Variants in SPTBN4 observed in about 807,000 individuals in gnomAD.
The protein encoded by SPTBN4 is spectrin beta chain, non-erythrocytic 4.
In SPTBN4, 96 loss-of-function variants were observed where a neutral mutation model predicts 277.8. The observed-to-expected ratio is 0.35, with a 90% CI of 0.29 to 0.41. The LOEUF (loss-of-function observed/expected upper bound fraction) is 0.41. SPTBN4 is among the 10% of genes least tolerant of loss of function. The pLI is 1.00. For synonymous variants in SPTBN4, 1,481 were observed against 1,580.3 expected (o/e 0.94, Z 1.49); for missense variants, 3,006 against 3,595.7 (o/e 0.84, Z 4.19).
chr19:40,571,979 G>A (rs750621422), intron 33 of SPTBN4, 40 bp from the exon 34 acceptor site: 2 of 1,510,814 alleles, frequency 1.3e-6, no homozygotes, highest in East Asian at 4.6e-5. Flanking sequence ...ATTAGGCAGA[G>A]TGCTGCGGCT....
At chr19:40,504,215 G>A in intron 12 of SPTBN4, 83 bp downstream of exon 12, 1 of 1,418,172 alleles carries the variant, frequency 7.1e-7, no homozygotes, top group South Asian at 1.3e-5. Context: ...TCAGACAGCT[G>A]GAGATGGAGA....
chr19:40,513,333 G>A lies in SPTBN4; in HGVS notation c.2544G>A (p.Leu848=), dbSNP rs748715100. The part of the protein sequence containing the change: ...TLGGASGAGP[L]VVALQVRVVE... ...GGGGTGCCAGTGGCGCAGGGCCACT[G>A]GTGGTGGCGCTGCAGGTGCGCGTGG... Residue 848 remains leucine (L), a synonymous_variant, in exon 14 of 36, where the codon CTG becomes CTA. Coordinates refer to ENST00000598249, the MANE Select transcript of SPTBN4 (RefSeq NM_020971.3). 1.9e-6 allele frequency: 3 copies of A among 1,584,174 alleles called. No homozygotes were observed. The highest frequency in any genetic ancestry group is 2.6e-6 in the Non-Finnish European group (3 of 1,167,892).
rs2081195797 is a variant in SPTBN4, at chr19:40,575,689, A to G, written c.*120A>G. ...AGTTCCAACACTGAGGACGCGTGAC[A>G]TGGTGGGCACCGGAAAGGAGGGGAC... is the stretch of plus-strand genomic sequence containing the variant. On this transcript the variant is annotated 3_prime_UTR_variant, in exon 36 of 36. Transcript: ENST00000598249. The G allele has an allele frequency of 7.8e-7, 1 of 1,277,942 alleles. No individual in the cohort carries two copies. The highest frequency in any genetic ancestry group is 1.0e-6 in the Non-Finnish European group (1 of 956,444). The allele number at this position is 1,277,942 out of a possible 1,614,324, so 79.2% of individuals were successfully genotyped here.
At chr19:40,492,904 G>A in intron 4 of SPTBN4, 59 bp from the exon 5 acceptor site, 1 of 1,461,034 alleles carries the variant, frequency 6.8e-7, no homozygotes, top group Non-Finnish European at 9.6e-7. Flanking sequence ...TGGTGAGTGG[G>A]GGGCATTCGA....
chr19:40,557,458 G>A, intron 26 of SPTBN4, 55 bp downstream of exon 26: 1 of 1,490,762 alleles, frequency 6.7e-7, no homozygotes, highest in Non-Finnish European at 8.9e-7. Flanking sequence ...GCTGTGGGCA[G>A]CAGAGTGGGC....
chr19:40,547,108 C>A (rs2080867529), intron 20 of SPTBN4, among the ~76,000 whole-genome samples: 2 of 151,992 alleles, frequency 1.3e-5, no homozygotes, highest in African/African-American at 4.8e-5. Flanking sequence ...AATTCATGTG[C>A]CATGTTGGTG....
chr19:40,573,379 T>G (rs1265739312), intron 35 of SPTBN4, among the ~76,000 whole-genome samples: 1 of 152,018 alleles, frequency 6.6e-6, no homozygotes, highest in African/African-American at 2.4e-5. Flanking sequence ...AGGTGCAGTA[T>G]TGCAAAGGGT....
At chr19:40,494,751 C>A (rs1183236815) in intron 5 of SPTBN4, 146 bp from the exon 6 acceptor site, 1 of 688,054 alleles carries the variant, frequency 1.5e-6, no homozygotes, top group Admixed American at 2.4e-5. Context: ...ACCTACCCAA[C>A]ACCCACCCAT....
rs1051943471 is a variant in SPTBN4 at position 40,519,820 on chromosome 19, A to G, written c.3323A>G (p.Gln1108Arg). ...TTCCTGGACTGGCTCGTGCGCGCCC[A>G]GGAGGCGGCGGGCGGCAGCGAGGGG... is the stretch of plus-strand genomic sequence containing the variant. ...DAFLDWLVRA[Q>R]EAAGGSEGPL... The change falls in exon 16 of 36, where the codon CAG becomes CGG. Residue 1108 changes from glutamine (Q) to arginine (R), a missense_variant. By Grantham distance (43) the Gln-to-Arg change is conservative. This residue lies in a region of SPTBN4 where 1,759 missense variants were observed against 2,061.5 expected (regional missense o/e 0.85). Coordinates refer to ENST00000598249, the MANE Select transcript of SPTBN4 (RefSeq NM_020971.3). The surrounding 1 kb of genome is among the most constrained non-coding windows in gnomAD (Gnocchi z 5.7). 2 of 1,432,850 alleles carry G rather than the reference A, an allele frequency of 1.4e-6. No homozygotes were observed. Among genetic ancestry groups the G allele is most frequent in the Admixed American group, 3.0e-5 (1 of 33,100 alleles). The allele number at this position is 1,432,850 out of a possible 1,614,324, so 88.8% of individuals were successfully genotyped here.
chr19:40,527,786 C>G (rs1303474520), intron 17 of SPTBN4, among the ~76,000 whole-genome samples: 1 of 152,164 alleles, frequency 6.6e-6, no homozygotes, highest in Non-Finnish European at 1.5e-5. Flanking sequence ...TGGCCGAGTG[C>G]AGGAGCTCAC....
At chr19:40,471,830 A>G (rs1483080022) in intron 1 of SPTBN4, among the ~76,000 whole-genome samples, 1 of 149,498 alleles carries the variant, frequency 6.7e-6, no homozygotes, top group East Asian at 2.0e-4. Flanking sequence ...CCTCCACTTC[A>G]CAGGCTCAAG....
At chr19:40,506,101 TG>T in intron 12 of SPTBN4, 134 bp from the exon 13 acceptor site, 1 of 1,192,196 alleles carries the variant, frequency 8.4e-7, no homozygotes, top group Non-Finnish European at 1.1e-6. Context: ...GTCTTGAGGC[TG>T]GTCCATATCT....
At position 40,557,378 on chromosome 19, in the gene SPTBN4, A is replaced by G. The variant is rs763945767; in HGVS notation, c.5645A>G (p.His1882Arg). Residue 1882 changes from histidine to arginine, a missense_variant, in exon 26 of 36, where the codon CAT (histidine) becomes CGT (arginine). Physicochemically the swap from His to Arg is conservative, Grantham distance 29. Around this residue, in one of 5 missense-constraint regions of SPTBN4, gnomAD observed 425 missense variants for 594.7 expected, o/e 0.71. Transcript: ENST00000598249. ...SMQRTLRAFE[H>R]DLQLLVSQVR... The stretch of plus-strand genomic sequence containing the variant: ...CAGCGGACCCTGAGAGCCTTTGAGC[A>G]TGACCTGCAGCTCCTCGTGTCCCAG... The G allele has an allele frequency of 2.5e-6, 4 of 1,584,562 alleles. No individual in the cohort carries two copies. The highest frequency in any genetic ancestry group is 3.4e-6 in the Non-Finnish European group (4 of 1,161,846).
intron 20 of SPTBN4, among the ~76,000 whole-genome samples, chr19:40,536,027 G>A (rs2080731522): frequency 6.6e-6 from 1 of 152,038 alleles, no homozygotes. Flanking sequence ...TGGGTGTTGG[G>A]ATATAGCAGT....
intron 20 of SPTBN4, among the ~76,000 whole-genome samples, chr19:40,535,883 C>T (rs1420827323): frequency 3.9e-5 from 6 of 152,088 alleles, no homozygotes; most frequent in South Asian, 2.1e-4. Context: ...ATCACTTGAA[C>T]GGGGAGGCAG....
chr19:40,497,471 C>T lies in SPTBN4; in HGVS notation c.669-18C>T, dbSNP rs751006229. The T allele has an allele frequency of 6.3e-7, 1 of 1,596,004 alleles. No individual in the cohort carries two copies. The highest frequency in any genetic ancestry group is 2.2e-5 in the East Asian group (1 of 44,792). ...CTGGAGCCTGCCTGCTGCCTGCCTG[C>T]TCTGTGCCCCTGCCCAGGCCTGATC... On this transcript the variant is annotated intron_variant, in intron 6 of 35. Coordinates refer to ENST00000598249, the MANE Select transcript of SPTBN4 (RefSeq NM_020971.3).
chr19:40,474,012 C>T (rs1341891724), intron 2 of SPTBN4, among the ~76,000 whole-genome samples: 1 of 151,112 alleles, frequency 6.6e-6, no homozygotes. Flanking sequence ...ATTAGCCAGG[C>T]GTGGTGGCAT....
rs368384076 is a variant in SPTBN4 at position 40,472,620 on chromosome 19, C to A, written c.-2C>A. On this transcript the variant is annotated 5_prime_UTR_variant, in exon 2 of 36. Coordinates refer to ENST00000598249, the MANE Select transcript of SPTBN4 (RefSeq NM_020971.3). ...CCCTATGTCCAGGCCTCACCTTCCC[C>A]GATGGCGCAGGTACCAGGGGAAGTG... 2.4e-5 allele frequency: 39 copies of A among 1,610,626 alleles called. No individual in the cohort carries two copies. The African/African-American group carries it at 2.7e-4, about 11-fold the overall frequency.
At chr19:40,518,793 G>A (rs2080488908) in intron 15 of SPTBN4, among the ~76,000 whole-genome samples, 1 of 152,144 alleles carries the variant, frequency 6.6e-6, no homozygotes, top group African/African-American at 2.4e-5. Flanking sequence ...AGACCTGTGA[G>A]GCTGAGGTGG....
Sources: allele counts gnomAD v4.1 joint callset (sites outside exome capture counted in the v4.1 genomes callset), GRCh38; gene constraint gnomAD v4.1.1; regional missense constraint gnomAD v4.1.1; non-coding constraint Gnocchi (gnomAD v3.1); transcripts MANE v1.5; gene names NCBI Gene and HGNC (gene_info 2026-07-23, HGNC 2026-07-21).